VEPH1: variants seen among roughly 807,000 people sequenced by gnomAD.
VEPH1 encodes the protein ventricular zone-expressed PH domain-containing protein homolog 1.
A neutral mutation model predicts 85.2 loss-of-function variants in VEPH1; 80 were observed. The observed-to-expected ratio is 0.94, with a 90% CI of 0.78 to 1.13. VEPH1 has a LOEUF of 1.13. Among genes scored for constraint, VEPH1 ranks in the 50% most tolerant of loss-of-function variants. The pLI is 0.00. For synonymous variants in VEPH1, 297 were observed against 348.0 expected (o/e 0.85, Z 1.63); for missense variants, 955 against 980.5 (o/e 0.97, Z 0.35).
At chr3:157,490,688 C>T (rs1403689988) in intron 2 of VEPH1, among the ~76,000 whole-genome samples, 1 of 152,076 alleles carries the variant, frequency 6.6e-6, no homozygotes, top group Admixed American at 6.6e-5. Flanking sequence ...CTGGCACATC[C>T]CTGTTGGAAA....
chr3:157,500,583 G>A (rs1025752663), intron 1 of VEPH1, among the ~76,000 whole-genome samples: 41 of 152,162 alleles, frequency 2.7e-4, no homozygotes, highest in Admixed American at 2.0e-3. Context: ...TCATTCATGA[G>A]TAGCTGTATT....
chr3:157,363,836 A>AATG (rs1367981948), intron 8 of VEPH1, 75 bp from the exon 9 acceptor site: 10 of 1,520,574 alleles, frequency 6.6e-6, no homozygotes, highest in Non-Finnish European at 8.8e-6. Context: ...TAATAATAAT[A>AATG]TTGGGACAAA....
chr3:157,480,722 A>G (rs1336572153), intron 2 of VEPH1, among the ~76,000 whole-genome samples: 3 of 152,130 alleles, frequency 2.0e-5, no homozygotes, highest in African/African-American at 7.2e-5. Flanking sequence ...GGTTGATTCC[A>G]TGTCTTTGCT....
intron 9 of VEPH1, among the ~76,000 whole-genome samples, chr3:157,330,972 T>C (rs1722434964): frequency 6.6e-6 from 1 of 152,224 alleles, no homozygotes; most frequent in East Asian, 1.9e-4. Flanking sequence ...AAGCCACCTC[T>C]GAATCCTACC....
chr3:157,497,978 T>C (rs1288086855), intron 1 of VEPH1, among the ~76,000 whole-genome samples: 1 of 152,194 alleles, frequency 6.6e-6, no homozygotes, highest in Non-Finnish European at 1.5e-5. Flanking sequence ...CAAAACACCT[T>C]CTACAATATG....
chr3:157,414,365 A>G (rs1175359415), intron 5 of VEPH1, among the ~76,000 whole-genome samples: 3 of 152,170 alleles, frequency 2.0e-5, no homozygotes, highest in Non-Finnish European at 2.9e-5. Context: ...GTTACTATTC[A>G]TAAATCAAGT....
rs6794570 is a variant in VEPH1 at position 157,460,209 on chromosome 3, C to G, written c.501G>C (p.Thr167=). The G allele has an allele frequency of 7.2e-3, 11,551 of 1,614,116 alleles. 699 individuals carry two copies. In the African/African-American group the frequency reaches 0.14, roughly 19 times the overall value. Residue 167 remains threonine, a synonymous_variant, in exon 4 of 14, where the codon ACG becomes ACC. Coordinates refer to ENST00000362010, the MANE Select transcript of VEPH1 (RefSeq NM_001167912.2). The part of the protein sequence containing the change: ...ITKADLLADH[T]EVIVKSILQG... ...GGAGTATGCTCTTTACTATAACTTCCGTGTGATCAGCCAGGAGATCTGCCT... is the reference window on the plus strand; with the variant it reads ...GGAGTATGCTCTTTACTATAACTTCGGTGTGATCAGCCAGGAGATCTGCCT...
chr3:157,297,817 AAGG>A (rs2108439915), intron 11 of VEPH1, among the ~76,000 whole-genome samples: 1 of 152,290 alleles, frequency 6.6e-6, no homozygotes, highest in African/African-American at 2.4e-5. Flanking sequence ...TGAAGACTGA[AAGG>A]AGGTGCAGAA....
At chr3:157,277,301 T>C (rs1316781777) in intron 12 of VEPH1, among the ~76,000 whole-genome samples, 1 of 152,220 alleles carries the variant, frequency 6.6e-6, no homozygotes, top group African/African-American at 2.4e-5. Flanking sequence ...ATATTACTGA[T>C]GGGATCTGGC....
At chr3:157,388,473 C>T (rs1729530089) in intron 6 of VEPH1, among the ~76,000 whole-genome samples, 1 of 152,094 alleles carries the variant, frequency 6.6e-6, no homozygotes, top group South Asian at 2.1e-4. Context: ...GTCCCTTGTC[C>T]TGGGAAACTC....
chr3:157,495,092 G>C lies in VEPH1; in HGVS notation c.138+120C>G. 2.9e-6 allele frequency: 3 copies of C among 1,029,072 alleles called. No homozygotes were observed. In the East Asian group the frequency reaches 7.6e-5, roughly 26 times the overall value. The allele number at this position is 1,029,072 out of a possible 1,614,324, so 63.7% of individuals were successfully genotyped here. A position where few individuals can be genotyped will look rare whatever the true frequency, so the allele number is the denominator to read the frequency against. ...CAAAACCACAGAGCAGATTAAGAGA[G>C]ACCAATATTAGTGGTATTTCCTCTT... On this transcript the variant is annotated intron_variant, in intron 2 of 13. Coordinates refer to ENST00000362010, the MANE Select transcript of VEPH1 (RefSeq NM_001167912.2).
chr3:157,468,202 A>G (rs1036398789), intron 3 of VEPH1, among the ~76,000 whole-genome samples: 2 of 152,220 alleles, frequency 1.3e-5, no homozygotes, highest in Admixed American at 6.5e-5. Context: ...ATCTTCACCC[A>G]GAAAACTTTA....
intron 4 of VEPH1, among the ~76,000 whole-genome samples, chr3:157,433,930 G>A (rs751264791): frequency 9.9e-5 from 15 of 150,842 alleles, no homozygotes; most frequent in East Asian, 7.7e-4. Context: ...CTTTTTTTTC[G>A]CATTTGAATG....
intron 4 of VEPH1, among the ~76,000 whole-genome samples, chr3:157,439,438 T>A (rs932306272): frequency 2.0e-5 from 3 of 152,214 alleles, no homozygotes; most frequent in African/African-American, 7.2e-5. Flanking sequence ...AGAACCTGGT[T>A]TTAATTTTGT....
chr3:157,370,054 C>T lies in VEPH1; in HGVS notation c.1128-5542G>A, dbSNP rs563813412. 3.3e-5 allele frequency among the ~76,000 whole-genome samples: 5 copies of T among 152,294 alleles called. No homozygotes were observed. In the South Asian group the frequency reaches 8.3e-4, roughly 25 times the overall value. On this transcript the variant is annotated intron_variant, in intron 7 of 13. Coordinates refer to ENST00000362010, the MANE Select transcript of VEPH1 (RefSeq NM_001167912.2). ...ATAATCCCCTAAATATTAACTTGGC[C>T]TTAACTCAACACACCACATTACAAG... is the stretch of plus-strand genomic sequence containing the variant.
chr3:157,405,216 G>A (rs1200806337), intron 6 of VEPH1, among the ~76,000 whole-genome samples: 1 of 152,096 alleles, frequency 6.6e-6, no homozygotes, highest in African/African-American at 2.4e-5. Flanking sequence ...GGAACTGCAG[G>A]TCTTCTGTGG....
chr3:157,287,847 G>A (rs1324744058), intron 11 of VEPH1, among the ~76,000 whole-genome samples: 1 of 152,218 alleles, frequency 6.6e-6, no homozygotes, highest in African/African-American at 2.4e-5. Flanking sequence ...TTGCAGGCAT[G>A]AGCCACCGTG....
chr3:157,496,574 G>C (rs751944193), intron 1 of VEPH1, among the ~76,000 whole-genome samples: 3 of 152,178 alleles, frequency 2.0e-5, no homozygotes, highest in Non-Finnish European at 4.4e-5. Flanking sequence ...TTTAATACAA[G>C]TAATAGGCAT....
Position 157,259,986 on chromosome 3 carries a change from GTC to G in VEPH1, c.*1146_*1147del, listed in dbSNP as rs1318316075. 6.6e-6 allele frequency: 1 copy of G among 152,178 alleles called. No individual in the cohort carries two copies. Among genetic ancestry groups the G allele is most frequent in the Non-Finnish European group, 1.5e-5 (1 of 68,028 alleles). 9.4% of individuals were successfully genotyped at this position (152,178 alleles called of 1,614,324 possible). ...TTATTTAAGGCTAATAGGAGAGAGA[GTC>G]TCTGACTGGTTCACTCTCTTTTAAA... On this transcript the variant is annotated 3_prime_UTR_variant, in exon 14 of 14. Coordinates refer to ENST00000362010, the MANE Select transcript of VEPH1 (RefSeq NM_001167912.2).
Sources: gnomAD v4.1 joint callset for allele counts (sites outside exome capture counted in the v4.1 genomes callset) on GRCh38, gnomAD v4.1.1 for gene constraint, MANE v1.5 for transcripts, NCBI Gene and HGNC (gene_info 2026-07-23, HGNC 2026-07-21) for gene names.